CDK14: variants seen among roughly 807,000 people sequenced by gnomAD.
The protein encoded by CDK14 is cyclin-dependent kinase 14.
In CDK14, 34 loss-of-function variants were observed where a neutral mutation model predicts 60.7. That is an observed-to-expected ratio of 0.56 (90% CI 0.43 to 0.75). CDK14 has a LOEUF of 0.75. Ranked by LOEUF, CDK14 falls within the 30% of genes least tolerant of loss-of-function variation. CDK14 has a pLI of 0.00. For synonymous variants in CDK14, 197 were observed against 203.7 expected (o/e 0.97, Z 0.28); for missense variants, 482 against 564.1 (o/e 0.85, Z 1.47).
chr7:91,094,411 C>T (rs1461728499), intron 12 of CDK14, among the ~76,000 whole-genome samples: 2 of 152,020 alleles, frequency 1.3e-5, no homozygotes, highest in Non-Finnish European at 2.9e-5. Context: ...ACAAGTGTAG[C>T]GGTGGGGGAG....
At chr7:90,664,524 G>T (rs1460572985) in intron 2 of CDK14, among the ~76,000 whole-genome samples, 2 of 152,112 alleles carry the variant, frequency 1.3e-5, no homozygotes, top group Non-Finnish European at 2.9e-5. Flanking sequence ...CAATAGCAAA[G>T]ACTTGGAACC....
chr7:90,660,217 C>G (rs192206696), intron 2 of CDK14, among the ~76,000 whole-genome samples: 165 of 152,168 alleles, frequency 1.1e-3, no homozygotes, highest in African/African-American at 3.7e-3. Flanking sequence ...GAGCATCACA[C>G]CCCCTGGGGT....
intron 11 of CDK14, among the ~76,000 whole-genome samples, chr7:91,065,505 A>C (rs151099735): frequency 5.6e-4 from 85 of 152,252 alleles, no homozygotes; most frequent in African/African-American, 2.0e-3. Flanking sequence ...TTTGAGGTCA[A>C]CTCTTTTCTG....
At chr7:91,056,389 A>T (rs1044236398) in intron 11 of CDK14, among the ~76,000 whole-genome samples, 1 of 150,276 alleles carries the variant, frequency 6.7e-6, no homozygotes, top group African/African-American at 2.4e-5. Flanking sequence ...ATTCATATAA[A>T]TTTTTCAGCA....
intron 7 of CDK14, among the ~76,000 whole-genome samples, chr7:90,914,255 C>T (rs1226951027): frequency 6.6e-6 from 1 of 152,108 alleles, no homozygotes; most frequent in Non-Finnish European, 1.5e-5. Flanking sequence ...TGACAAGTTT[C>T]TTGTGATTCG....
intron 9 of CDK14, among the ~76,000 whole-genome samples, chr7:90,983,904 T>C (rs1245144872): frequency 2.0e-5 from 3 of 152,086 alleles, no homozygotes; most frequent in Non-Finnish European, 2.9e-5. Flanking sequence ...TAACAAACTA[T>C]TGGGTACTAC....
intron 2 of CDK14, among the ~76,000 whole-genome samples, chr7:90,625,635 T>C (rs1799861342): frequency 6.6e-6 from 1 of 152,218 alleles, no homozygotes. Context: ...AGGAAATTCA[T>C]TATAGGCCTT....
chr7:90,639,538 A>G (rs1229703508), intron 2 of CDK14, among the ~76,000 whole-genome samples: 4 of 151,918 alleles, frequency 2.6e-5, no homozygotes, highest in African/African-American at 9.7e-5. Context: ...GTCTGTACCT[A>G]CTGGGGTGTG....
At chr7:91,095,382 A>C (rs1303493498) in intron 12 of CDK14, among the ~76,000 whole-genome samples, 1 of 152,250 alleles carries the variant, frequency 6.6e-6, no homozygotes, top group East Asian at 1.9e-4. Flanking sequence ...GAGGCCAGCC[A>C]AGGAATGGCC....
Position 90,709,463 on chromosome 7 carries a change from T to C in CDK14, c.124-17104T>C, listed in dbSNP as rs1038574274. The stretch of plus-strand genomic sequence containing the variant: ...CATTAGCTGTTTGGCTCCCATTCTG[T>C]ATTCTTCTGAAGCAGCCCTGCATTG... On this transcript the variant is annotated intron_variant, in intron 2 of 14. Transcript: ENST00000380050. 9 of 1,573,608 alleles carry C rather than the reference T, an allele frequency of 5.7e-6. No individual in the cohort carries two copies. In the African/African-American group the frequency reaches 1.2e-4, roughly 21 times the overall value.
chr7:91,132,269 A>C (rs1196524256), intron 14 of CDK14, among the ~76,000 whole-genome samples: 1 of 152,182 alleles, frequency 6.6e-6, no homozygotes, highest in Non-Finnish European at 1.5e-5. Flanking sequence ...TGGATTTTGC[A>C]TGGGCATACA....
intron 14 of CDK14, among the ~76,000 whole-genome samples, chr7:91,125,781 A>G (rs1345530617): frequency 6.6e-6 from 1 of 152,118 alleles, no homozygotes; most frequent in Non-Finnish European, 1.5e-5. Flanking sequence ...GTTAACCTCA[A>G]TATTGGGGTG....
At chr7:91,081,496 T>A (rs1798482825) in intron 12 of CDK14, among the ~76,000 whole-genome samples, 1 of 152,208 alleles carries the variant, frequency 6.6e-6, no homozygotes, top group Admixed American at 6.5e-5. Context: ...TAATATAAGA[T>A]AGGTGGGTTA....
At chr7:90,717,926 C>T (rs933190794) in intron 2 of CDK14, among the ~76,000 whole-genome samples, 39 of 151,914 alleles carry the variant, frequency 2.6e-4, no homozygotes, top group African/African-American at 8.7e-4. Flanking sequence ...TCAGCAAAGA[C>T]GGAGCTCCCC....
At chr7:90,748,692 C>T (rs1313791733) in intron 4 of CDK14, among the ~76,000 whole-genome samples, 1 of 152,200 alleles carries the variant, frequency 6.6e-6, no homozygotes, top group Non-Finnish European at 1.5e-5. Context: ...AAACAGTCCT[C>T]TTGCCTTAGC....
chr7:91,016,271 A>T (rs914151566), intron 10 of CDK14, among the ~76,000 whole-genome samples: 4 of 151,792 alleles, frequency 2.6e-5, no homozygotes, highest in African/African-American at 4.8e-5. Context: ...GTACTCTAAC[A>T]TGTTTGTTTC....
Position 90,610,153 on chromosome 7 carries a change from C to T in CDK14, c.123+5904C>T, listed in dbSNP as rs187054743. 3.1e-3 allele frequency among the ~76,000 whole-genome samples: 468 copies of T among 152,252 alleles called. 2 individuals are homozygous for T. Among genetic ancestry groups the T allele is most frequent in the African/African-American group, 0.011 (445 of 41,542 alleles). Reference sequence around the variant, plus strand: ...ATTCTCATAGTCCATAACCCATTCTCCCCCATAGTTCCTTCCCTGATCACT... The same window carrying T: ...ATTCTCATAGTCCATAACCCATTCTTCCCCATAGTTCCTTCCCTGATCACT... On this transcript the variant is annotated intron_variant, in intron 2 of 14. Coordinates refer to ENST00000380050, the MANE Select transcript of CDK14 (RefSeq NM_001287135.2).
intron 14 of CDK14, among the ~76,000 whole-genome samples, chr7:91,154,218 T>A (rs1234143095): frequency 6.6e-6 from 1 of 151,936 alleles, no homozygotes; most frequent in Non-Finnish European, 1.5e-5. Flanking sequence ...ACTTTTATAA[T>A]CTCCTTTTTT....
intron 4 of CDK14, among the ~76,000 whole-genome samples, chr7:90,765,983 T>C (rs1445227730): frequency 6.6e-6 from 1 of 152,202 alleles, no homozygotes; most frequent in South Asian, 2.1e-4. Context: ...TTTCTAATAA[T>C]GTGTAGATAT....
Sources: gnomAD v4.1 joint callset for allele counts (sites outside exome capture counted in the v4.1 genomes callset) on GRCh38, gnomAD v4.1.1 for gene constraint, MANE v1.5 for transcripts, NCBI Gene and HGNC (gene_info 2026-07-23, HGNC 2026-07-21) for gene names.